The following PTPRM variants were observed in gnomAD, a reference collection of about 807,000 sequenced individuals.
The protein encoded by PTPRM is protein tyrosine phosphatase receptor type M, also known as receptor-type tyrosine-protein phosphatase mu.
PTPRM carries 47 observed loss-of-function variants against 186.7 expected under a neutral mutation model. That is an observed-to-expected ratio of 0.25 (90% CI 0.20 to 0.32). The LOEUF (loss-of-function observed/expected upper bound fraction) is 0.32. Ranked by LOEUF, PTPRM falls within the 10% of genes least tolerant of loss-of-function variation. The pLI, the probability that PTPRM is intolerant of heterozygous loss-of-function variation, is 1.00. For synonymous variants in PTPRM, 668 were observed against 674.9 expected (o/e 0.99, Z 0.16); for missense variants, 1,494 against 1,865.0 (o/e 0.80, Z 3.66).
intron 1 of PTPRM, among the ~76,000 whole-genome samples, chr18:7,648,549 A>G (rs905167607): frequency 3.3e-5 from 5 of 152,230 alleles, no homozygotes; most frequent in East Asian, 3.9e-4. Flanking sequence ...AAGTGCCACT[A>G]CAGTGAACGA....
Position 8,399,674 on chromosome 18 carries a change from G to A in PTPRM, c.4344+5063G>A, listed in dbSNP as rs187988670. On this transcript the variant is annotated intron_variant, in intron 32 of 32. Coordinates refer to ENST00000580170, the MANE Select transcript of PTPRM (RefSeq NM_001105244.2). The stretch of plus-strand genomic sequence containing the variant: ...CACCCCCTTTACAGAGAAGTCTAGC[G>A]TTTCGTCATTCGTGCAAGCCAAATC... 2.6e-5 allele frequency: 4 copies of A among 152,320 alleles called. No individual in the cohort carries two copies. The East Asian group carries it at 5.8e-4, about 22-fold the overall frequency. The allele number at this position is 152,320 out of a possible 1,614,324, so 9.4% of individuals were successfully genotyped here. A position where few individuals can be genotyped will look rare whatever the true frequency, so the allele number is the denominator to read the frequency against.
intron 31 of PTPRM, among the ~76,000 whole-genome samples, chr18:8,392,434 C>T (rs998428073): frequency 2.0e-5 from 3 of 152,066 alleles, no homozygotes; most frequent in Non-Finnish European, 4.4e-5. Context: ...ACTATCCTGG[C>T]TAACACGGTG....
At chr18:7,820,306 C>T (rs1325093832) in intron 2 of PTPRM, among the ~76,000 whole-genome samples, 1 of 152,096 alleles carries the variant, frequency 6.6e-6, no homozygotes, top group Admixed American at 6.5e-5. Context: ...TTGGTGAGGG[C>T]CTGCTCTGCT....
chr18:7,933,161 T>C (rs1395939531), intron 5 of PTPRM, among the ~76,000 whole-genome samples: 1 of 152,204 alleles, frequency 6.6e-6, no homozygotes, highest in East Asian at 1.9e-4. Flanking sequence ...AAGTCACCCT[T>C]ACTTTACTTA....
intron 1 of PTPRM, among the ~76,000 whole-genome samples, chr18:7,653,289 G>A (rs1321259702): frequency 6.6e-6 from 1 of 151,906 alleles, no homozygotes; most frequent in African/African-American, 2.4e-5. Context: ...TGGGACCACA[G>A]GCATGCACCA....
chr18:8,298,457 A>T (rs990824082), intron 20 of PTPRM, among the ~76,000 whole-genome samples: 1 of 152,174 alleles, frequency 6.6e-6, no homozygotes. Context: ...AGCCTTGGGT[A>T]TGCTGAGAGA....
At chr18:7,949,438 A>G (rs2052785918) in intron 6 of PTPRM, 83 bp downstream of exon 6, 1 of 1,176,456 alleles carries the variant, frequency 8.5e-7, no homozygotes, top group Non-Finnish European at 1.2e-6. Context: ...TTTAAAGCTC[A>G]AACTTACCCT....
At chr18:7,858,279 G>C (rs77847255) in intron 2 of PTPRM, among the ~76,000 whole-genome samples, 1 of 152,290 alleles carries the variant, frequency 6.6e-6, no homozygotes, top group African/African-American at 2.4e-5. Flanking sequence ...GTTCTGGGCT[G>C]GGTAAGGTGG....
Position 8,343,499 on chromosome 18 carries a change from C to A in PTPRM, c.3033C>A (p.Thr1011=). ...HENTASIIMV[T]NLVEVGRVKC... ...ACACTGCAAGTATCATCATGGTGAC[C>A]AATCTTGTGGAAGTGGGAAGGGTGA... Residue 1011 remains threonine, a synonymous_variant, in exon 23 of 33, where the codon ACC becomes ACA. Coordinates refer to ENST00000580170, the MANE Select transcript of PTPRM (RefSeq NM_001105244.2). 2 of 1,613,890 alleles carry A rather than the reference C, an allele frequency of 1.2e-6. No homozygotes were observed. Among genetic ancestry groups the A allele is most frequent in the Non-Finnish European group, 1.7e-6 (2 of 1,179,902 alleles).
intron 1 of PTPRM, among the ~76,000 whole-genome samples, chr18:7,770,762 T>C (rs138438590): frequency 1.3e-3 from 199 of 152,348 alleles, no homozygotes; most frequent in African/African-American, 4.5e-3. Flanking sequence ...CTTTACTTGG[T>C]TATTTTAATT....
intron 1 of PTPRM, among the ~76,000 whole-genome samples, chr18:7,711,717 G>T (rs532676053): frequency 2.6e-5 from 4 of 152,302 alleles, no homozygotes; most frequent in Middle Eastern, 6.8e-3. Flanking sequence ...AAGCCTGGGG[G>T]AAGTTCCAAT....
intron 11 of PTPRM, among the ~76,000 whole-genome samples, chr18:8,102,335 G>A (rs2091328136): frequency 6.6e-6 from 1 of 152,210 alleles, no homozygotes; most frequent in Non-Finnish European, 1.5e-5. Flanking sequence ...TTTCTCTATA[G>A]CATGGGATGC....
chr18:7,704,957 T>C (rs1361194626), intron 1 of PTPRM, among the ~76,000 whole-genome samples: 1 of 152,174 alleles, frequency 6.6e-6, no homozygotes, highest in African/African-American at 2.4e-5. Context: ...GTGAGGCCTT[T>C]GAACCTGTAG....
chr18:7,908,197 C>G (rs111802666), intron 4 of PTPRM, among the ~76,000 whole-genome samples: 9 of 152,230 alleles, frequency 5.9e-5, no homozygotes, highest in African/African-American at 2.2e-4. Context: ...ACCAGCAGTG[C>G]ATGGTAGCTT....
intron 19 of PTPRM, among the ~76,000 whole-genome samples, chr18:8,257,440 A>G (rs535866579): frequency 3.9e-5 from 6 of 152,326 alleles, no homozygotes; most frequent in Admixed American, 2.0e-4. Context: ...CTGTACTTGG[A>G]TGGAGAGCTA....
At chr18:7,704,076 A>C (rs1568040004) in intron 1 of PTPRM, among the ~76,000 whole-genome samples, 1 of 152,138 alleles carries the variant, frequency 6.6e-6, no homozygotes, top group Non-Finnish European at 1.5e-5. Flanking sequence ...TTGCTTCGTC[A>C]GTATTTTATT....
chr18:8,029,249 G>A (rs1479260993), intron 7 of PTPRM, among the ~76,000 whole-genome samples: 2 of 147,016 alleles, frequency 1.4e-5, no homozygotes, highest in Non-Finnish European at 3.0e-5. Flanking sequence ...CCTGCCTGGA[G>A]TGCCTCCCCC....
At position 7,966,625 on chromosome 18, in the gene PTPRM, G is replaced by T. The variant is rs973496920; in HGVS notation, c.1132+11211G>T. Reference sequence around the variant, plus strand: ...CACCGTGCGCGAGCCGAAGCAGGGCGAGGCATTGCCTCACCTGGGAAGCGC... The same window carrying T: ...CACCGTGCGCGAGCCGAAGCAGGGCTAGGCATTGCCTCACCTGGGAAGCGC... On this transcript the variant is annotated intron_variant, in intron 7 of 32. Coordinates refer to ENST00000580170, the MANE Select transcript of PTPRM (RefSeq NM_001105244.2). Among the ~76,000 whole-genome samples the T allele has an allele frequency of 2.6e-4, 38 of 148,630 alleles. 1 individual carries two copies. The highest frequency in any genetic ancestry group is 8.8e-4 in the African/African-American group (36 of 40,916).
chr18:8,171,412 T>C (rs2093398744), intron 14 of PTPRM, among the ~76,000 whole-genome samples: 1 of 152,176 alleles, frequency 6.6e-6, no homozygotes, highest in African/African-American at 2.4e-5. Context: ...TAATGAAATA[T>C]TGAACCAGAT....
Sources: allele counts gnomAD v4.1 joint callset (sites outside exome capture counted in the v4.1 genomes callset), GRCh38; gene constraint gnomAD v4.1.1; transcripts MANE v1.5; gene names NCBI Gene and HGNC (gene_info 2026-07-23, HGNC 2026-07-21).